BPIFC: variants seen among roughly 807,000 people sequenced by gnomAD.
BPIFC encodes the protein BPI fold containing family C.
Under a neutral mutation model 57.6 loss-of-function variants are expected in BPIFC, and 60 were observed. The observed-to-expected ratio is 1.04, with a 90% CI of 0.85 to 1.29. The LOEUF (loss-of-function observed/expected upper bound fraction) is 1.29, where lower values mean the gene tolerates loss of function less well. Ranked by LOEUF, BPIFC falls within the 50% of genes most tolerant of loss-of-function variation. The pLI is 0.00. For missense variants in BPIFC, 581 were observed against 600.5 expected, an observed-to-expected ratio of 0.97 and a Z score of 0.34; for synonymous variants, 243 against 224.5, an observed-to-expected ratio of 1.08 and a Z score of -0.74.
intron 13 of BPIFC, among the ~76,000 whole-genome samples, chr22:32,430,645 A>G (rs1934213946): frequency 6.6e-6 from 1 of 150,384 alleles, no homozygotes; most frequent in Non-Finnish European, 1.5e-5. Context: ...TGTGAGAGAG[A>G]TATATTTTTT....
chr22:32,419,458 A>G, intron 13 of BPIFC, 54 bp from the exon 14 acceptor site: 3 of 1,479,658 alleles, frequency 2.0e-6, no homozygotes, highest in Non-Finnish European at 2.8e-6. Flanking sequence ...CCTTAGTAGA[A>G]AGAAACCAAA....
chr22:32,462,203 A>G (rs971183953), intron 1 of BPIFC, among the ~76,000 whole-genome samples: 15 of 150,830 alleles, frequency 9.9e-5, no homozygotes, highest in Non-Finnish European at 4.4e-5. Context: ...AAAAAGAAAA[A>G]AAAGAAAAAA....
chr22:32,457,703 CT>C (rs768251121), intron 2 of BPIFC, among the ~76,000 whole-genome samples: 3 of 152,170 alleles, frequency 2.0e-5, no homozygotes, highest in Admixed American at 6.5e-5. Context: ...CACATGGCCC[CT>C]GACCTATGTT....
At chr22:32,453,825 G>A (rs1357409522) in intron 3 of BPIFC, among the ~76,000 whole-genome samples, 1 of 152,136 alleles carries the variant, frequency 6.6e-6, no homozygotes, top group East Asian at 1.9e-4. Context: ...GCTCATGCCT[G>A]TAATCCCAGC....
At chr22:32,455,917 T>C (rs1372585266) in intron 3 of BPIFC, among the ~76,000 whole-genome samples, 1 of 152,246 alleles carries the variant, frequency 6.6e-6, no homozygotes, top group Non-Finnish European at 1.5e-5. Context: ...CTATATTTCC[T>C]GTGGGTGGGA....
intron 4 of BPIFC, among the ~76,000 whole-genome samples, chr22:32,448,747 G>C (rs1478702705): frequency 2.0e-5 from 3 of 152,022 alleles, no homozygotes; most frequent in Admixed American, 2.0e-4. Context: ...AGACCAGCCT[G>C]GCCAACATAG....
At chr22:32,423,947 C>T (rs1933922477) in intron 13 of BPIFC, among the ~76,000 whole-genome samples, 2 of 151,328 alleles carry the variant, frequency 1.3e-5, no homozygotes, top group Non-Finnish European at 3.0e-5. Flanking sequence ...TTTAAAACTC[C>T]ACAGCTTTAA....
chr22:32,419,803 CAAA>C (rs34812283), intron 13 of BPIFC, among the ~76,000 whole-genome samples: 1,180 of 102,356 alleles, frequency 0.012, 4 homozygotes, highest in African/African-American at 0.012. Flanking sequence ...GAGACCCTGT[CAAA>C]AAAAAAAAAA....
rs1177376154 is a variant in BPIFC, at chr22:32,453,495, C to T, written c.133G>A (p.Ala45Thr). Residue 45 changes from alanine (A) to threonine (T), a missense_variant, in exon 4 of 17, where the codon GCT (alanine) becomes ACT (threonine). By Grantham distance (58) the Ala-to-Thr change is moderately conservative. Coordinates refer to ENST00000300399, the MANE Select transcript of BPIFC (RefSeq NM_174932.3). ...ATTTGCTCAATCATCTTCATTCCAGCTTGAACACCTGTGAAGGAAACAAGA... is the reference window on the plus strand; with the variant it reads ...ATTTGCTCAATCATCTTCATTCCAGTTTGAACACCTGTGAAGGAAACAAGA... Reference protein sequence around the residue: ...TQRALDYGVQAGMKMIEQMLK... With the variant: ...TQRALDYGVQTGMKMIEQMLK... 1.3e-6 allele frequency: 2 copies of T among 1,588,870 alleles called. No homozygotes were observed. Among genetic ancestry groups the T allele is most frequent in the Non-Finnish European group, 8.5e-7 (1 of 1,172,456 alleles).
chr22:32,436,410 GGAAA>G (rs1934402796), intron 9 of BPIFC, among the ~76,000 whole-genome samples: 3 of 149,120 alleles, frequency 2.0e-5, no homozygotes, highest in Non-Finnish European at 3.0e-5. Context: ...GGAGGAGGAG[GGAAA>G]AGAAGGAGAA....
Position 32,445,983 on chromosome 22 carries a change from C to T in BPIFC, c.388G>A (p.Gly130Arg). ...ACTCCGGAGAGAAACAGATCAGCCC[C>T]TCCTGTGTCTTGGCTGTTTAAAGAA... ...FESPLFQDTG[G>R]ADLFLSGVYF... is the part of the protein sequence containing the mutation. Residue 130 changes from glycine (G) to arginine (R), a missense_variant, in exon 6 of 17, where the codon GGG becomes AGG. Coordinates refer to ENST00000300399, the MANE Select transcript of BPIFC (RefSeq NM_174932.3). 2 of 1,614,088 alleles carry T rather than the reference C, an allele frequency of 1.2e-6. No individual in the cohort carries two copies. The highest frequency in any genetic ancestry group is 1.3e-5 in the African/African-American group (1 of 75,028).
intron 7 of BPIFC, among the ~76,000 whole-genome samples, chr22:32,443,199 T>C (rs1934617171): frequency 6.6e-6 from 1 of 150,564 alleles, no homozygotes; most frequent in Non-Finnish European, 1.5e-5. Context: ...AGTCTCGCTC[T>C]GTCACCCAGG....
At chr22:32,414,867 A>T (rs1933625291) in intron 16 of BPIFC, among the ~76,000 whole-genome samples, 1 of 152,132 alleles carries the variant, frequency 6.6e-6, no homozygotes, top group African/African-American at 2.4e-5. Context: ...TACTTTGTGA[A>T]TGCCCCAGAG....
Position 32,437,811 on chromosome 22 carries a change from G to T in BPIFC, c.696C>A (p.Ser232=). 6.2e-7 allele frequency: 1 copy of T among 1,612,450 alleles called. No individual in the cohort carries two copies. Residue 232 remains serine (S), a synonymous_variant, in exon 9 of 17, where the codon TCC becomes TCA. Transcript: ENST00000300399. The stretch of plus-strand genomic sequence containing the variant: ...CAGTAATTTCTGGAGAACTGATTAG[G>T]GAGTAATCCAGCAGAGTGTAGTTGT... ...KIDNYTLLDY[S]LISSPEITEN...
chr22:32,442,997 T>C (rs912204561), intron 7 of BPIFC, among the ~76,000 whole-genome samples: 1 of 152,094 alleles, frequency 6.6e-6, no homozygotes, highest in South Asian at 2.1e-4. Context: ...GCCCTTGTCG[T>C]TTCTTTCTGT....
intron 13 of BPIFC, among the ~76,000 whole-genome samples, chr22:32,426,523 A>C (rs1310708912): frequency 6.6e-6 from 1 of 152,122 alleles, no homozygotes; most frequent in African/African-American, 2.4e-5. Context: ...GTTTGCTATA[A>C]CACCCCATGC....
intron 4 of BPIFC, 23 bp downstream of exon 4, chr22:32,453,359 CA>C (rs1934946246): frequency 1.6e-5 from 25 of 1,532,762 alleles, no homozygotes; most frequent in Non-Finnish European, 2.2e-5. Context: ...TTATAAGAGG[CA>C]AAATGCTCTT....
rs1250198385 is a variant in BPIFC, at chr22:32,451,744, C to T, written c.245+1639G>A. Among the ~76,000 whole-genome samples, 8 of 152,160 alleles carry T rather than the reference C, an allele frequency of 5.3e-5. 1 individual carries two copies. The South Asian group carries it at 1.2e-3, about 24-fold the overall frequency. ...TTAAAAAAAGAAAATACCTGTTTCT[C>T]CCCATCTCCACCTACACATGATATT... On this transcript the variant is annotated intron_variant, in intron 4 of 16. Coordinates refer to ENST00000300399, the MANE Select transcript of BPIFC (RefSeq NM_174932.3).
chr22:32,462,612 T>C (rs1601491131), intron 1 of BPIFC, among the ~76,000 whole-genome samples: 1 of 152,210 alleles, frequency 6.6e-6, no homozygotes, highest in South Asian at 2.1e-4. Context: ...CTTACTCCCA[T>C]TTTAGACACG....
Sources: allele counts gnomAD v4.1 joint callset (sites outside exome capture counted in the v4.1 genomes callset), GRCh38; gene constraint gnomAD v4.1.1; transcripts MANE v1.5; gene names NCBI Gene and HGNC (gene_info 2026-07-23, HGNC 2026-07-21).